Variants in GREB1 observed in about 807,000 individuals in gnomAD.
GREB1 encodes growth regulating estrogen receptor binding 1.
In GREB1, 106 loss-of-function variants were observed where a neutral mutation model predicts 200.7. That is an observed-to-expected ratio of 0.53 (90% CI 0.45 to 0.62). The LOEUF (loss-of-function observed/expected upper bound fraction) is 0.62. GREB1 is among the 20% of genes least tolerant of loss of function. The pLI, the probability that GREB1 is intolerant of heterozygous loss-of-function variation, is 0.00. For missense variants in GREB1, 2,243 were observed against 2,556.8 expected, an observed-to-expected ratio of 0.88 and a Z score of 2.65; for synonymous variants, 1,132 against 1,092.4, an observed-to-expected ratio of 1.04 and a Z score of -0.72.
In GREB1 at chr2:11,642,746, C is replaced by T. The variant is rs1685884413; in HGVS notation, c.*2292C>T. 3.3e-5 allele frequency: 5 copies of T among 152,082 alleles called. No individual in the cohort carries two copies. In the South Asian group the frequency reaches 1.0e-3, roughly 32 times the overall value. The allele number at this position is 152,082 out of a possible 1,614,324, so 9.4% of individuals were successfully genotyped here. On this transcript the variant is annotated 3_prime_UTR_variant, in exon 33 of 33. Coordinates refer to ENST00000381486, the MANE Select transcript of GREB1 (RefSeq NM_014668.4). ...TGGAAAAAACCCTCAAACTAATATT[C>T]TTGTCTGTTCCAGTCTTATAAATAA...
chr2:11,503,420 C>G (rs571268041), intron 1 of GREB1, among the ~76,000 whole-genome samples: 97 of 152,154 alleles, frequency 6.4e-4, no homozygotes, highest in African/African-American at 2.3e-3. Context: ...TCTCTTTCTC[C>G]CTCTAATGGT....
intron 1 of GREB1, among the ~76,000 whole-genome samples, chr2:11,487,206 G>A (rs553388605): frequency 1.3e-5 from 2 of 152,204 alleles, no homozygotes; most frequent in East Asian, 1.9e-4. Context: ...TTGGTAAAAC[G>A]TCATTGATTG....
At chr2:11,596,630 G>A (rs1391400322) in intron 13 of GREB1, among the ~76,000 whole-genome samples, 18 of 110,960 alleles carry the variant, frequency 1.6e-4, no homozygotes, top group African/African-American at 6.5e-4. Flanking sequence ...GTAAGAGGGG[G>A]CGGGGCTGCA....
At chr2:11,632,216 A>G in intron 27 of GREB1, 103 bp downstream of exon 27, 1 of 771,804 alleles carries the variant, frequency 1.3e-6, no homozygotes, top group East Asian at 2.7e-5. Flanking sequence ...CAGGCCTTTT[A>G]CTTTTGGACT....
intron 12 of GREB1, among the ~76,000 whole-genome samples, 200 bp from the exon 13 acceptor site, chr2:11,595,911 A>G (rs11679686): frequency 0.59 from 89,483 of 151,780 alleles, 27,942 homozygotes; most frequent in African/African-American, 0.81. Flanking sequence ...AGCACCTGCT[A>G]TGTCTGTGTG....
Position 11,504,004 on chromosome 2 carries a change from TTAA to T in GREB1, c.-159+21633_-159+21635del, listed in dbSNP as rs749259725. Among the ~76,000 whole-genome samples the T allele has an allele frequency of 7.9e-5, 12 of 152,176 alleles. No individual in the cohort carries two copies. The South Asian group carries it at 1.0e-3, about 13-fold the overall frequency. ...GTTATAAATTAGGCTCAGTAAAGTA[TTAA>T]TAATAATAACTAATAATAAAATAGA... On this transcript the variant is annotated intron_variant, in intron 1 of 2. Coordinates refer to the GREB1 transcript ENST00000628795.
chr2:11,520,733 C>T (rs888592688), intron 1 of GREB1, among the ~76,000 whole-genome samples: 3 of 152,152 alleles, frequency 2.0e-5, no homozygotes, highest in Admixed American at 6.5e-5. Context: ...GCATTATCTC[C>T]GCATCTCAAG....
chr2:11,560,810 G>T (rs1426227944), intron 2 of GREB1, among the ~76,000 whole-genome samples: 2 of 152,122 alleles, frequency 1.3e-5, no homozygotes, highest in Non-Finnish European at 2.9e-5. Context: ...TTTATTAAAT[G>T]ACATTTAAAG....
chr2:11,637,650 C>A, intron 30 of GREB1, 66 bp from the exon 31 acceptor site: 1 of 1,491,722 alleles, frequency 6.7e-7, no homozygotes, highest in Non-Finnish European at 9.2e-7. Context: ...CCTTGCAGCC[C>A]GGAAGCCATG....
Position 11,595,438 on chromosome 2 carries a change from G to A in GREB1, c.1825+59G>A, listed in dbSNP as rs1451336111. 8 of 1,553,606 alleles carry A rather than the reference G, an allele frequency of 5.1e-6. No homozygotes were observed. The African/African-American group carries it at 5.4e-5, about 11-fold the overall frequency. On this transcript the variant is annotated intron_variant, in intron 12 of 32. Transcript: ENST00000381486. Reference sequence around the variant, plus strand: ...TGTTAATAGGACAGTAATCAGTGCCGGGGGAGGTCATCTCTGCCTCACCCT... The same window carrying A: ...TGTTAATAGGACAGTAATCAGTGCCAGGGGAGGTCATCTCTGCCTCACCCT...
intron 20 of GREB1, among the ~76,000 whole-genome samples, chr2:11,615,811 G>A (rs1683350153): frequency 1.3e-5 from 2 of 152,214 alleles, no homozygotes; most frequent in South Asian, 4.1e-4. Context: ...GCAAGGCATT[G>A]ACTATAGTCA....
intron 1 of GREB1, among the ~76,000 whole-genome samples, chr2:11,551,482 G>T (rs1362380309): frequency 1.3e-5 from 2 of 152,164 alleles, no homozygotes; most frequent in African/African-American, 4.8e-5. Context: ...CTAGCTCTGC[G>T]GGTCCAGGGA....
intron 17 of GREB1, among the ~76,000 whole-genome samples, chr2:11,608,014 A>T (rs1266000671): frequency 6.6e-6 from 1 of 152,186 alleles, no homozygotes; most frequent in African/African-American, 2.4e-5. Context: ...CCACTGCTTG[A>T]TGCTGAGCCT....
chr2:11,586,210 A>T (rs1213516029), intron 9 of GREB1, among the ~76,000 whole-genome samples: 1 of 152,168 alleles, frequency 6.6e-6, no homozygotes, highest in East Asian at 1.9e-4. Context: ...AGCTTCATTG[A>T]GCTTCTGCCG....
At chr2:11,632,836 C>T in intron 27 of GREB1, 53 bp from the exon 28 acceptor site, 1 of 1,534,052 alleles carries the variant, frequency 6.5e-7, no homozygotes, top group Non-Finnish European at 8.9e-7. Context: ...GGTCTGTCTG[C>T]TGTGGGTGTG....
At chr2:11,624,155 A>G (rs970010845) in intron 23 of GREB1, among the ~76,000 whole-genome samples, 3 of 152,110 alleles carry the variant, frequency 2.0e-5, no homozygotes, top group Non-Finnish European at 2.9e-5. Context: ...GAGAGTGTCA[A>G]GTCTCCAGTA....
intron 2 of GREB1, among the ~76,000 whole-genome samples, chr2:11,558,455 G>A (rs1447633042): frequency 1.3e-5 from 2 of 152,286 alleles, no homozygotes; most frequent in Admixed American, 6.5e-5. Context: ...CCGGTGCTGC[G>A]GTTGAAGGTT....
chr2:11,595,295 G>A lies in GREB1; in HGVS notation c.1741G>A (p.Ala581Thr). 1 of 1,613,122 alleles carries A rather than the reference G, an allele frequency of 6.2e-7. No individual in the cohort carries two copies. The highest frequency in any genetic ancestry group is 8.5e-7 in the Non-Finnish European group (1 of 1,179,080). ...TCTTTCCGAGAGCCTTCTCACTCCT[G>A]CGGAGTACCAGAAGGAAGTCAATTA... is the stretch of plus-strand genomic sequence containing the variant. Reference protein sequence around the residue: ...RILSESLLTPAEYQKEVNYEL... With the variant: ...RILSESLLTPTEYQKEVNYEL... Residue 581 changes from alanine to threonine, a missense_variant, in exon 12 of 33, where the codon GCG becomes ACG. Around this residue, in one of 3 missense-constraint regions of GREB1, gnomAD observed 1,178 missense variants for 1,387.4 expected, o/e 0.85. Coordinates refer to ENST00000381486, the MANE Select transcript of GREB1 (RefSeq NM_014668.4).
Position 11,617,906 on chromosome 2 carries a change from G to T in GREB1, c.3413-382G>T, listed in dbSNP as rs1011134592. On this transcript the variant is annotated intron_variant, in intron 21 of 32. Transcript: ENST00000381486. ...TGCACAGCAGTGAGCTGGTGGTTGGGGTCTCCCTCCCAGATGCCCCCGATG... is the reference window on the plus strand; with the variant it reads ...TGCACAGCAGTGAGCTGGTGGTTGGTGTCTCCCTCCCAGATGCCCCCGATG... 1.8e-4 allele frequency among the ~76,000 whole-genome samples: 27 copies of T among 152,082 alleles called. 1 individual carries two copies. The highest frequency in any genetic ancestry group is 6.3e-4 in the African/African-American group (26 of 41,410).
Sources: allele counts gnomAD v4.1 joint callset (sites outside exome capture counted in the v4.1 genomes callset), GRCh38; gene constraint gnomAD v4.1.1; regional missense constraint gnomAD v4.1.1; transcripts MANE v1.5; gene names NCBI Gene and HGNC (gene_info 2026-07-23, HGNC 2026-07-21).